The following PSORS1C1 variants were observed in gnomAD, a reference collection of about 807,000 sequenced individuals.
PSORS1C1 encodes psoriasis susceptibility 1 candidate 1, also known as psoriasis susceptibility 1 candidate gene 1 protein.
Under a neutral mutation model 9.4 loss-of-function variants are expected in PSORS1C1, and 7 were observed. That is an observed-to-expected ratio of 0.75 (90% CI 0.42 to 1.40). PSORS1C1 has a LOEUF of 1.40. Ranked by LOEUF, PSORS1C1 falls within the 40% of genes most tolerant of loss-of-function variation. The probability of loss-of-function intolerance (pLI) is 0.01; values close to 1 mark genes in which losing one functional copy is unlikely to be tolerated. For missense variants in PSORS1C1, 146 were observed against 178.1 expected (o/e 0.82, Z 1.02); for synonymous variants, 63 against 69.4 (o/e 0.91, Z 0.46).
chr6:31,138,152 A>T (rs1484598076), intron 3 of PSORS1C1: 1 of 1,604,084 alleles, frequency 6.2e-7, no homozygotes. Context: ...TCCAGGGACG[A>T]CTGGGGCGGG....
intron 1 of PSORS1C1, among the ~76,000 whole-genome samples, chr6:31,122,547 G>A (rs1301549684): frequency 6.6e-6 from 1 of 152,186 alleles, no homozygotes; most frequent in Non-Finnish European, 1.5e-5. Context: ...AGGCCGATGC[G>A]GGCGGATCAC....
intron 1 of PSORS1C1, chr6:31,116,128 C>T (rs774392868): frequency 6.2e-6 from 10 of 1,610,984 alleles, no homozygotes; most frequent in Non-Finnish European, 8.5e-7. Context: ...GATGGAGCGG[C>T]AGGGGATCTT....
chr6:31,117,456 G>C (rs1362336139), intron 1 of PSORS1C1: 1 of 1,555,828 alleles, frequency 6.4e-7, no homozygotes. Flanking sequence ...TGAGGCAGGG[G>C]TCGTTAGGGG....
chr6:31,116,206 C>T lies in PSORS1C1; in HGVS notation c.-229+1315C>T, dbSNP rs751655884. The T allele has an allele frequency of 1.9e-6, 3 of 1,613,682 alleles. No individual in the cohort carries two copies. The South Asian group carries it at 3.3e-5, about 18-fold the overall frequency. Reference sequence around the variant, plus strand: ...ATCAGGATGGGGAGAGCCATCGGGGCCCCCAGTCAGTGTCAAGGAGGAGAC... The same window carrying T: ...ATCAGGATGGGGAGAGCCATCGGGGTCCCCAGTCAGTGTCAAGGAGGAGAC... On this transcript the variant is annotated intron_variant, in intron 1 of 5. Transcript: ENST00000259881.
At chr6:31,124,190 A>G (rs9263688) in intron 1 of PSORS1C1, among the ~76,000 whole-genome samples, 8,087 of 151,864 alleles carry the variant, frequency 0.053, 306 homozygotes, top group South Asian at 0.12. Flanking sequence ...GAATGATCAC[A>G]AAGGGGGCTG....
At position 31,128,268 on chromosome 6, in the gene PSORS1C1, TGA is replaced by T. The variant is rs542030800; in HGVS notation, c.-64-1297_-64-1296del. 2.0e-3 allele frequency among the ~76,000 whole-genome samples: 310 copies of T among 151,998 alleles called. 3 individuals are homozygous for T. The highest frequency in any genetic ancestry group is 6.8e-3 in the Middle Eastern group (2 of 294). On this transcript the variant is annotated intron_variant, in intron 2 of 5. Coordinates refer to ENST00000259881, the MANE Select transcript of PSORS1C1 (RefSeq NM_014068.3). The surrounding 1 kb of genome is among the most constrained non-coding windows in gnomAD (Gnocchi z 4.3). ...AGCAAAGGCTCTGGAGGAAAACACC[TGA>T]GAGGAGTCTCTAGGCTGCCCTCTGG...
intron 1 of PSORS1C1, among the ~76,000 whole-genome samples, chr6:31,121,225 A>T (rs1467167507): frequency 1.3e-5 from 2 of 151,520 alleles, no homozygotes; most frequent in Non-Finnish European, 2.9e-5. Flanking sequence ...TGGGCTGATG[A>T]CCTCTGTCAA....
Position 31,115,110 on chromosome 6 carries a change from AT to A in PSORS1C1, c.-229+221del, listed in dbSNP as rs1581831971. ...TCTGCTTTCAGTTCAACAAATATTT[AT>A]TGTCTTCCTCCTCTGTGGGAGCAGC... is the stretch of plus-strand genomic sequence containing the variant. On this transcript the variant is annotated intron_variant, in intron 1 of 5. Coordinates refer to ENST00000259881, the MANE Select transcript of PSORS1C1 (RefSeq NM_014068.3). This position sits in a 1 kb window ranked among gnomAD's most constrained non-coding sequence, Gnocchi z 4.2. 1 of 353,598 alleles carries A rather than the reference AT, an allele frequency of 2.8e-6. No individual in the cohort carries two copies. Among genetic ancestry groups the A allele is most frequent in the Admixed American group, 3.9e-5 (1 of 25,898 alleles). 21.9% of individuals were successfully genotyped at this position (353,598 alleles called of 1,614,324 possible). A position where few individuals can be genotyped will look rare whatever the true frequency, so the allele number is the denominator to read the frequency against.
intron 3 of PSORS1C1, among the ~76,000 whole-genome samples, chr6:31,133,375 GGGAACA>G (rs59638173): frequency 2.2e-5 from 2 of 89,914 alleles, no homozygotes; most frequent in Non-Finnish European, 4.2e-5. Flanking sequence ...TCCAGACATA[GGGAACA>G]GCACACACGA....
At chr6:31,120,093 T>G (rs190034707) in intron 1 of PSORS1C1, among the ~76,000 whole-genome samples, 1 of 152,112 alleles carries the variant, frequency 6.6e-6, no homozygotes, top group Admixed American at 6.5e-5. Flanking sequence ...AAAGTACATA[T>G]CACATACATT....
Position 31,115,915 on chromosome 6 carries a change from GGA to G in PSORS1C1, c.-229+1026_-229+1027del. On this transcript the variant is annotated intron_variant, in intron 1 of 5. Coordinates refer to ENST00000259881, the MANE Select transcript of PSORS1C1 (RefSeq NM_014068.3). The surrounding 1 kb of genome is among the most constrained non-coding windows in gnomAD (Gnocchi z 4.2). ...GAAAGCAGAACCACTCTTTTGGGAA[GGA>G]GGGAAACTGAGCTAACCCTATGCCT... The G allele has an allele frequency of 1.1e-6, 1 of 946,956 alleles. No individual in the cohort carries two copies. 58.7% of individuals were successfully genotyped at this position (946,956 alleles called of 1,614,324 possible).
chr6:31,139,941 G>A lies in PSORS1C1; in HGVS notation c.*9G>A. The A allele has an allele frequency of 6.2e-7, 1 of 1,604,014 alleles. No individual in the cohort carries two copies. The highest frequency in any genetic ancestry group is 8.5e-7 in the Non-Finnish European group (1 of 1,174,466). ...TCAGCTCCTTGATCTAAGCCTCCCA[G>A]AGAGACCCCTAGAACGTTTCCCTCA... On this transcript the variant is annotated 3_prime_UTR_variant, in exon 6 of 6. Coordinates refer to ENST00000259881, the MANE Select transcript of PSORS1C1 (RefSeq NM_014068.3). This position sits in a 1 kb window ranked among gnomAD's most constrained non-coding sequence, Gnocchi z 5.2.
rs11311116 is a variant in PSORS1C1 at position 31,136,390 on chromosome 6, CAAAAAA to C, written c.14-2030_14-2025del. Among the ~76,000 whole-genome samples, 56 of 102,718 alleles carry C rather than the reference CAAAAAA, an allele frequency of 5.5e-4. 1 individual carries two copies. The East Asian group carries it at 9.9e-3, about 18-fold the overall frequency. 67.4% of individuals were successfully genotyped at this position (102,718 alleles called of 152,430 possible). ...TGGGCGACAGAGAGATAATACGTCT[CAAAAAA>C]AAAAAAAAAGAAAAGAAAGAAAATG... On this transcript the variant is annotated intron_variant, in intron 3 of 5. Transcript: ENST00000259881.
chr6:31,139,879 T>A lies in PSORS1C1; in HGVS notation c.406T>A (p.Leu136Met). The A allele has an allele frequency of 6.2e-7, 1 of 1,613,044 alleles. No individual in the cohort carries two copies. Among genetic ancestry groups the A allele is most frequent in the South Asian group, 1.1e-5 (1 of 91,080 alleles). ...SASRTLAPTL[L>M]YSSPPSHSPF... ...CTCTAGGACCTTGGCTCCAACTCTA[T>A]TGTACTCGTCTCCTCCCTCCCATTC... is the stretch of plus-strand genomic sequence containing the variant. Residue 136 changes from leucine to methionine, a missense_variant, in exon 6 of 6, where the codon TTG becomes ATG. Leu to Met is a conservative substitution (Grantham distance 15). Transcript: ENST00000259881. This position sits in a 1 kb window ranked among gnomAD's most constrained non-coding sequence, Gnocchi z 5.2.
intron 3 of PSORS1C1, among the ~76,000 whole-genome samples, chr6:31,132,379 G>A (rs1441155704): frequency 6.9e-6 from 1 of 145,912 alleles, no homozygotes; most frequent in African/African-American, 2.5e-5. Flanking sequence ...AAAATTAGCT[G>A]GGCATAGTGG....
Position 31,116,919 on chromosome 6 carries a change from G to T in PSORS1C1, c.-229+2028G>T, listed in dbSNP as rs765082620. 3.7e-6 allele frequency: 6 copies of T among 1,614,010 alleles called. No homozygotes were observed. The East Asian group carries it at 1.3e-4, about 36-fold the overall frequency. On this transcript the variant is annotated intron_variant, in intron 1 of 5. Coordinates refer to ENST00000259881, the MANE Select transcript of PSORS1C1 (RefSeq NM_014068.3). ...GGATGTAGGGGCCGGAGTGCGAGACGATGGGCCCTCCACTGCAGGGAGAGT... is the reference window on the plus strand; with the variant it reads ...GGATGTAGGGGCCGGAGTGCGAGACTATGGGCCCTCCACTGCAGGGAGAGT...
At chr6:31,119,309 T>A (rs1217637463) in intron 1 of PSORS1C1, among the ~76,000 whole-genome samples, 1 of 152,072 alleles carries the variant, frequency 6.6e-6, no homozygotes, top group Admixed American at 6.6e-5. Flanking sequence ...CTGTGCCAAT[T>A]CCCTTCAGTC....
chr6:31,117,829 T>C (rs1772250721), intron 1 of PSORS1C1: 1 of 409,318 alleles, frequency 2.4e-6, no homozygotes, highest in Non-Finnish European at 4.5e-6. Flanking sequence ...CTGGGCACAG[T>C]GGCTCACGCC....
At position 31,138,432 on chromosome 6, in the gene PSORS1C1, C is replaced by A. The variant is rs1445722671; in HGVS notation, c.16C>A (p.Gln6Lys). 6.2e-7 allele frequency: 1 copy of A among 1,612,472 alleles called. No individual in the cohort carries two copies. Among genetic ancestry groups the A allele is most frequent in the Non-Finnish European group, 8.5e-7 (1 of 1,179,798 alleles). ...AGCCTGAACTGACCCACAAACAGAC[C>A]AAAAAAGTCACTCTCAAAGAGCTCT... is the stretch of plus-strand genomic sequence containing the variant. MTCTD[Q>K]KSHSQRALGT... Residue 6 changes from glutamine (Q) to lysine (K), a missense_variant and splice_region_variant, in exon 4 of 6, where the codon CAA (glutamine) becomes AAA (lysine). Transcript: ENST00000259881.
Sources: allele counts gnomAD v4.1 joint callset (sites outside exome capture counted in the v4.1 genomes callset), GRCh38; gene constraint gnomAD v4.1.1; non-coding constraint Gnocchi (gnomAD v3.1); transcripts MANE v1.5; gene names NCBI Gene and HGNC (gene_info 2026-07-23, HGNC 2026-07-21).